ANXA9: variants seen among roughly 807,000 people sequenced by gnomAD.
ANXA9 encodes annexin 31.
In ANXA9, 47 loss-of-function variants were observed where a neutral mutation model predicts 51.8. The observed-to-expected ratio is 0.91, with a 90% CI of 0.72 to 1.16. The LOEUF (loss-of-function observed/expected upper bound fraction) is 1.16, where lower values mean the gene tolerates loss of function less well. Among genes scored for constraint, ANXA9 ranks in the 50% most tolerant of loss-of-function variants. ANXA9 has a pLI of 0.00. For missense variants in ANXA9, 361 were observed against 424.7 expected (o/e 0.85, Z 1.32); for synonymous variants, 154 against 168.7 (o/e 0.91, Z 0.68).
Position 150,994,613 on chromosome 1 carries a change from C to T in ANXA9, c.889C>T (p.Leu297Phe). 3 of 1,614,066 alleles carry T rather than the reference C, an allele frequency of 1.9e-6. No individual in the cohort carries two copies. Among genetic ancestry groups the T allele is most frequent in the Non-Finnish European group, 2.5e-6 (3 of 1,179,960 alleles). ...EPNYQVLIRI[L>F]ISRCETDLLS... is the part of the protein sequence containing the mutation. ...CAATTACCAAGTCCTGATTCGCATCCTTATCTCTCGATGTGAGACTGACCT... is the reference window on the plus strand; with the variant it reads ...CAATTACCAAGTCCTGATTCGCATCTTTATCTCTCGATGTGAGACTGACCT... The change falls in exon 13 of 14, where the codon CTT (leucine) becomes TTT (phenylalanine). Residue 297 changes from leucine to phenylalanine, a missense_variant. Leu to Phe is a conservative substitution (Grantham distance 22, BLOSUM62 0). Coordinates refer to ENST00000368947, the MANE Select transcript of ANXA9 (RefSeq NM_003568.3).
chr1:150,993,894 A>C (rs1159142054), intron 12 of ANXA9, among the ~76,000 whole-genome samples: 2 of 151,890 alleles, frequency 1.3e-5, no homozygotes, highest in Admixed American at 1.3e-4. Flanking sequence ...TCATCCTCCC[A>C]AAGTGCTGGG....
chr1:150,994,913 G>A (rs1216935971), intron 13 of ANXA9: 2 of 667,988 alleles, frequency 3.0e-6, no homozygotes, highest in East Asian at 1.4e-4. Context: ...CCAACATGGT[G>A]AAACCCCGTC....
At chr1:150,984,743 TG>T (rs926082586) in intron 7 of ANXA9, 67 bp downstream of exon 7, 13 of 1,390,504 alleles carry the variant, frequency 9.3e-6, no homozygotes, top group Non-Finnish European at 1.1e-5. Context: ...ACTCCTCTCC[TG>T]TACTCCCCAT....
chr1:150,982,983 A>C, intron 2 of ANXA9, 107 bp from the exon 3 acceptor site: 1 of 748,326 alleles, frequency 1.3e-6, no homozygotes, highest in Non-Finnish European at 2.2e-6. Flanking sequence ...TGCAGCAAGG[A>C]AAGGAACAGG....
At chr1:150,980,572 CTT>C (rs869295630), upstream of ANXA9, among the ~76,000 whole-genome samples, 2,090 of 88,898 alleles carry the variant, frequency 0.024, 18 homozygotes, top group African/African-American at 0.091. Flanking sequence ...ACACAGATTA[CTT>C]TTTTTTTTTT....
chr1:150,980,842 G>A (rs1240319981), upstream of ANXA9, among the ~76,000 whole-genome samples: 9 of 152,050 alleles, frequency 5.9e-5, no homozygotes, highest in Admixed American at 1.3e-4. Flanking sequence ...GCCTCACAAA[G>A]TGCTGGGATT....
At position 150,983,165 on chromosome 1, in the gene ANXA9, G is replaced by A. The variant is rs587685448; in HGVS notation, c.60G>A (p.Leu20=). The part of the protein sequence containing the change: ...PSLTQEILSH[L]GLASKTAAWG... ...TCACCCAGGAGATCCTCAGCCACCTGGGCCTGGCCAGCAAGGTAGGGGCTG... is the reference window on the plus strand; with the variant it reads ...TCACCCAGGAGATCCTCAGCCACCTAGGCCTGGCCAGCAAGGTAGGGGCTG... Residue 20 remains leucine, a synonymous_variant, in exon 3 of 14, where the codon CTG becomes CTA. Coordinates refer to ENST00000368947, the MANE Select transcript of ANXA9 (RefSeq NM_003568.3). The A allele has an allele frequency of 1.4e-5, 23 of 1,614,100 alleles. No homozygotes were observed. In the East Asian group the frequency reaches 4.7e-4, roughly 33 times the overall value.
intron 12 of ANXA9, among the ~76,000 whole-genome samples, chr1:150,992,059 G>A (rs918803789): frequency 2.6e-5 from 4 of 152,118 alleles, no homozygotes; most frequent in African/African-American, 9.7e-5. Flanking sequence ...GAGCCACCGT[G>A]TCCAGCCTGT....
intron 12 of ANXA9, among the ~76,000 whole-genome samples, chr1:150,993,093 T>C (rs770414221): frequency 2.0e-5 from 3 of 152,108 alleles, no homozygotes; most frequent in Non-Finnish European, 4.4e-5. Flanking sequence ...AAGTATGTGT[T>C]GTAGGCAGTT....
chr1:150,984,521 C>T (rs936221646), intron 6 of ANXA9, 65 bp from the exon 7 acceptor site: 2 of 1,526,438 alleles, frequency 1.3e-6, no homozygotes, highest in East Asian at 2.3e-5. Context: ...CAGCCAGCGT[C>T]TGCCCCTCTG....
chr1:150,986,797 T>C (rs1671571330), intron 9 of ANXA9, 136 bp downstream of exon 9: 1 of 855,088 alleles, frequency 1.2e-6, no homozygotes, highest in Non-Finnish European at 1.8e-6. Flanking sequence ...AGTTCTCAGT[T>C]ATGTGGTAGG....
At chr1:150,977,720 T>C (rs587726273), upstream of ANXA9, among the ~76,000 whole-genome samples, 1 of 152,358 alleles carries the variant, frequency 6.6e-6, no homozygotes, top group African/African-American at 2.4e-5. Flanking sequence ...GCCTAGCTAG[T>C]ACCTAATGGA....
upstream of ANXA9, among the ~76,000 whole-genome samples, chr1:150,980,828 C>T (rs1671403728): frequency 1.3e-5 from 2 of 152,098 alleles, no homozygotes; most frequent in Admixed American, 6.5e-5. Context: ...ATCCACCCGC[C>T]TCGGCCTCAC....
At chr1:150,987,804 C>T in intron 9 of ANXA9, 68 bp from the exon 10 acceptor site, 1 of 1,303,744 alleles carries the variant, frequency 7.7e-7, no homozygotes, top group East Asian at 2.3e-5. Flanking sequence ...GAACGTCATA[C>T]CCATGGCTCC....
upstream of ANXA9, among the ~76,000 whole-genome samples, chr1:150,978,084 C>G (rs765582098): frequency 6.6e-6 from 1 of 151,740 alleles, no homozygotes; most frequent in Non-Finnish European, 1.5e-5. Flanking sequence ...TGCAGTGAGC[C>G]GAGATCATGC....
At chr1:150,990,119 G>A (rs1339425435) in intron 12 of ANXA9, among the ~76,000 whole-genome samples, 2 of 151,772 alleles carry the variant, frequency 1.3e-5, no homozygotes. Context: ...GACCAACTTA[G>A]GCGACATAGC....
At chr1:150,991,092 G>A (rs1386885912) in intron 12 of ANXA9, among the ~76,000 whole-genome samples, 2 of 150,804 alleles carry the variant, frequency 1.3e-5, no homozygotes, top group African/African-American at 4.9e-5. Context: ...GCAGTGAGCC[G>A]AGATCGCGCC....
rs752104682 is a variant in ANXA9, at chr1:150,984,643, C to T, written c.439C>T (p.Gln147Ter). ...AATTCTTGCCACTCGAACCCCACCCCAGCTGCAGGAGTGCCTGGCAGTCTA... is the reference window on the plus strand; with the variant it reads ...AATTCTTGCCACTCGAACCCCACCCTAGCTGCAGGAGTGCCTGGCAGTCTA... The part of the protein sequence containing the change: ...IEILATRTPP[Q>*]LQECLAVYKH... The change falls in exon 7 of 14, where the codon CAG (glutamine) becomes TAG (stop). Residue 147 changes from glutamine (Q) to a stop codon, truncating the protein, a stop_gained. Transcript: ENST00000368947. LOFTEE classifies it high-confidence loss of function. The T allele has an allele frequency of 5.3e-5, 86 of 1,614,022 alleles. No individual in the cohort carries two copies. Among genetic ancestry groups the T allele is most frequent in the Non-Finnish European group, 3.5e-5 (41 of 1,180,028 alleles).
intron 13 of ANXA9, 55 bp downstream of exon 13, chr1:150,994,754 A>G: frequency 6.2e-7 from 1 of 1,602,856 alleles, no homozygotes; most frequent in Non-Finnish European, 8.5e-7. Context: ...CCTCACCTCC[A>G]CCCTCACTCC....
Sources: gnomAD v4.1 joint callset for allele counts (sites outside exome capture counted in the v4.1 genomes callset) on GRCh38, gnomAD v4.1.1 for gene constraint, MANE v1.5 for transcripts, NCBI Gene and HGNC (gene_info 2026-07-23, HGNC 2026-07-21) for gene names.